Variants in PARD3B observed in about 807,000 individuals in gnomAD.
PARD3B encodes the protein par-3 family cell polarity regulator beta.
A neutral mutation model predicts 130.2 loss-of-function variants in PARD3B; 103 were observed. That is an observed-to-expected ratio of 0.79 (90% confidence interval 0.67 to 0.93). PARD3B has a LOEUF of 0.93. Ranked by LOEUF, PARD3B falls within the 40% of genes least tolerant of loss-of-function variation. The pLI is 0.00. For synonymous variants in PARD3B, 583 were observed against 553.2 expected, an observed-to-expected ratio of 1.05 and a Z score of -0.76; for missense variants, 1,609 against 1,499.2, an observed-to-expected ratio of 1.07 and a Z score of -1.21.
intron 3 of PARD3B, among the ~76,000 whole-genome samples, chr2:204,992,021 G>T (rs1030030546): frequency 1.3e-5 from 2 of 151,992 alleles, no homozygotes; most frequent in Non-Finnish European, 2.9e-5. Context: ...CTCCCATGTT[G>T]TAGGTTGCCT....
In PARD3B at chr2:205,126,221, G is replaced by C. The variant is rs114044187; in HGVS notation, c.1434+484G>C. On this transcript the variant is annotated intron_variant, in intron 10 of 22. Coordinates refer to ENST00000406610, the MANE Select transcript of PARD3B (RefSeq NM_001302769.2). Reference sequence around the variant, plus strand: ...TAACCTATTCTTGAGGGCTGGGATAGACATCTTGAGAAAGATGAGTTCAAA... The same window carrying C: ...TAACCTATTCTTGAGGGCTGGGATACACATCTTGAGAAAGATGAGTTCAAA... 1.6e-3 allele frequency among the ~76,000 whole-genome samples: 242 copies of C among 152,266 alleles called. 1 individual carries two copies. The highest frequency in any genetic ancestry group is 5.4e-3 in the African/African-American group (226 of 41,546).
intron 2 of PARD3B, among the ~76,000 whole-genome samples, chr2:204,703,098 A>T (rs1037761016): frequency 1.1e-4 from 17 of 152,146 alleles, no homozygotes; most frequent in African/African-American, 4.1e-4. Context: ...AGATAGACCT[A>T]TTATCCCCAT....
intron 20 of PARD3B, among the ~76,000 whole-genome samples, chr2:205,447,437 G>T (rs959360900): frequency 6.6e-6 from 1 of 152,222 alleles, no homozygotes; most frequent in African/African-American, 2.4e-5. Flanking sequence ...GAGTGCAATG[G>T]CACGATCTTG....
At position 205,568,788 on chromosome 2, in the gene PARD3B, G is replaced by A. The variant is rs1281024894; in HGVS notation, c.3260+15385G>A. The stretch of plus-strand genomic sequence containing the variant: ...CTCCACAGTCTCACCTTAGCCTCAG[G>A]CCTTCATGCTAAGACACTAGCGCTG... On this transcript the variant is annotated intron_variant, in intron 22 of 22. Transcript: ENST00000406610. The surrounding 1 kb of genome is among the most constrained non-coding windows in gnomAD (Gnocchi z 5.3). Among the ~76,000 whole-genome samples, 1 of 152,116 alleles carries A rather than the reference G, an allele frequency of 6.6e-6. No homozygotes were observed. The highest frequency in any genetic ancestry group is 2.4e-5 in the African/African-American group (1 of 41,420).
At chr2:204,617,058 G>A (rs1026715143) in intron 1 of PARD3B, among the ~76,000 whole-genome samples, 52 of 151,878 alleles carry the variant, frequency 3.4e-4, no homozygotes, top group African/African-American at 1.2e-3. Flanking sequence ...TTCTCTCCAC[G>A]GCCTTCCAGA....
intron 4 of PARD3B, among the ~76,000 whole-genome samples, chr2:205,101,361 TAAATTA>T (rs922636900): frequency 3.0e-4 from 45 of 152,160 alleles, no homozygotes; most frequent in African/African-American, 9.9e-4. Context: ...ATGAATAAAA[TAAATTA>T]AAATTAAAAA....
In PARD3B at chr2:205,146,871, G is replaced by A. The variant is rs1053861196; in HGVS notation, c.1435-11851G>A. Reference sequence around the variant, plus strand: ...GCTTCCTGAGTAGCTGGGATTATAGGACCCGGCTAATTTTTTGTATTTTTA... The same window carrying A: ...GCTTCCTGAGTAGCTGGGATTATAGAACCCGGCTAATTTTTTGTATTTTTA... On this transcript the variant is annotated intron_variant, in intron 10 of 22. Transcript: ENST00000406610. The surrounding 1 kb of genome is among the most constrained non-coding windows in gnomAD (Gnocchi z 4.3). Among the ~76,000 whole-genome samples the A allele has an allele frequency of 2.6e-5, 4 of 151,758 alleles. No homozygotes were observed. The highest frequency in any genetic ancestry group is 5.9e-5 in the Non-Finnish European group (4 of 67,930).
At chr2:204,869,268 T>C (rs2045543314) in intron 2 of PARD3B, among the ~76,000 whole-genome samples, 1 of 152,120 alleles carries the variant, frequency 6.6e-6, no homozygotes, top group East Asian at 1.9e-4. Flanking sequence ...AAGAACATGT[T>C]AAAAGATTCA....
At chr2:204,699,966 C>T (rs2037814647) in intron 2 of PARD3B, among the ~76,000 whole-genome samples, 1 of 152,112 alleles carries the variant, frequency 6.6e-6, no homozygotes, top group South Asian at 2.1e-4. Context: ...TGTATATACA[C>T]TAACAGAAAA....
intron 22 of PARD3B, among the ~76,000 whole-genome samples, chr2:205,557,631 G>A (rs1003430633): frequency 2.6e-5 from 4 of 152,176 alleles, no homozygotes; most frequent in African/African-American, 9.7e-5. Context: ...GCAAATTGGG[G>A]ATGATATTAG....
At chr2:204,727,748 A>G (rs572214881) in intron 2 of PARD3B, among the ~76,000 whole-genome samples, 25 of 152,276 alleles carry the variant, frequency 1.6e-4, no homozygotes, top group South Asian at 1.0e-3. Flanking sequence ...CCCAAGTGCA[A>G]TTGAGCTTCA....
At chr2:204,792,909 T>A (rs897203320) in intron 2 of PARD3B, among the ~76,000 whole-genome samples, 11 of 152,174 alleles carry the variant, frequency 7.2e-5, no homozygotes, top group African/African-American at 2.2e-4. Flanking sequence ...CTATTTTTTT[T>A]TTTTTATAGA....
chr2:204,863,529 A>G (rs2045296536), intron 2 of PARD3B, among the ~76,000 whole-genome samples: 1 of 152,230 alleles, frequency 6.6e-6, no homozygotes, highest in African/African-American at 2.4e-5. Context: ...GTATTTTAAT[A>G]TAAATACAGT....
chr2:204,973,189 C>G lies in PARD3B; in HGVS notation c.394+7866C>G, dbSNP rs150543428. ...CAGCCACACAGAATTGCCCTCTGTT[C>G]TCTAAATACAAGTACTGCTTTTCAC... On this transcript the variant is annotated intron_variant, in intron 3 of 22. Transcript: ENST00000406610. 4.6e-5 allele frequency among the ~76,000 whole-genome samples: 7 copies of G among 152,308 alleles called. No individual in the cohort carries two copies. The East Asian group carries it at 1.4e-3, about 29-fold the overall frequency.
chr2:205,440,181 C>T lies in PARD3B; in HGVS notation c.2742-189C>T, dbSNP rs1215802868. 1.3e-5 allele frequency among the ~76,000 whole-genome samples: 2 copies of T among 152,132 alleles called. No homozygotes were observed. Among genetic ancestry groups the T allele is most frequent in the African/African-American group, 4.8e-5 (2 of 41,428 alleles). ...TGCTATCAAAGTAAAGACCCTGTAA[C>T]AAATAAAGATCAGATATATAAAATT... is the stretch of plus-strand genomic sequence containing the variant. On this transcript the variant is annotated intron_variant, in intron 19 of 22. Transcript: ENST00000406610. This position sits in a 1 kb window ranked among gnomAD's most constrained non-coding sequence, Gnocchi z 4.2.
chr2:204,546,043 C>T lies in PARD3B; in HGVS notation c.44C>T (p.Pro15Leu), dbSNP rs1202441991. Residue 15 changes from proline (P) to leucine (L), a missense_variant, in exon 1 of 23, where the codon CCC becomes CTC. Pro to Leu is a moderately conservative substitution (Grantham distance 98). Transcript: ENST00000406610. ...TTCGGCAGGACGGGCATCGTGGTGC[C>T]CTGCAAGGAGGGCCAGCTGCGCGTC... is the stretch of plus-strand genomic sequence containing the variant. ...VCFGRTGIVV[P>L]CKEGQLRVGE... 3.8e-6 allele frequency: 6 copies of T among 1,567,128 alleles called. No homozygotes were observed. The highest frequency in any genetic ancestry group is 5.2e-6 in the Non-Finnish European group (6 of 1,155,208).
At chr2:204,951,276 T>C (rs1227434752) in intron 2 of PARD3B, among the ~76,000 whole-genome samples, 1 of 152,196 alleles carries the variant, frequency 6.6e-6, no homozygotes, top group East Asian at 1.9e-4. Flanking sequence ...AGTCCTAGAT[T>C]CATGAATTTG....
intron 21 of PARD3B, among the ~76,000 whole-genome samples, chr2:205,500,680 C>T (rs748271910): frequency 5.3e-5 from 8 of 152,182 alleles, no homozygotes; most frequent in Non-Finnish European, 1.0e-4. Flanking sequence ...AACTCTTCAG[C>T]ATCTACAAAA....
intron 1 of PARD3B, among the ~76,000 whole-genome samples, chr2:204,599,939 A>C (rs1244690451): frequency 6.6e-6 from 1 of 151,872 alleles, no homozygotes; most frequent in Non-Finnish European, 1.5e-5. Flanking sequence ...CCTCATGAGT[A>C]GGATGTTAAG....
Sources: allele counts gnomAD v4.1 joint callset (sites outside exome capture counted in the v4.1 genomes callset), GRCh38; gene constraint gnomAD v4.1.1; non-coding constraint Gnocchi (gnomAD v3.1); transcripts MANE v1.5; gene names NCBI Gene and HGNC (gene_info 2026-07-23, HGNC 2026-07-21).